The following LAMA2 variants were observed in gnomAD, a reference collection of about 807,000 sequenced individuals.
The protein encoded by LAMA2 is laminin subunit alpha-2.
A neutral mutation model predicts 364.8 loss-of-function variants in LAMA2; 269 were observed. The ratio of observed to expected loss-of-function variants is 0.74; its 90% confidence interval spans 0.67 to 0.82. LAMA2 has a LOEUF of 0.82. Among genes scored for constraint, LAMA2 ranks in the 40% least tolerant of loss-of-function variants. The probability of loss-of-function intolerance (pLI) is 0.00; values close to 1 mark genes in which losing one functional copy is unlikely to be tolerated. For missense variants in LAMA2, 3,807 were observed against 3,873.2 expected (o/e 0.98, Z 0.45); for synonymous variants, 1,379 against 1,370.6 (o/e 1.01, Z -0.14).
intron 10 of LAMA2, among the ~76,000 whole-genome samples, chr6:129,188,795 C>T (rs559973120): frequency 1.2e-4 from 19 of 152,014 alleles, no homozygotes; most frequent in African/African-American, 4.1e-4. Flanking sequence ...AAATTATTCT[C>T]TTGGATATAA....
chr6:129,497,201 T>C (rs531293538), intron 58 of LAMA2, among the ~76,000 whole-genome samples: 30 of 152,328 alleles, frequency 2.0e-4, no homozygotes, highest in African/African-American at 7.2e-4. Flanking sequence ...ATAAGTCCTC[T>C]ATAATTTTCA....
At chr6:128,899,364 T>C (rs575505882) in intron 1 of LAMA2, among the ~76,000 whole-genome samples, 6 of 152,370 alleles carry the variant, frequency 3.9e-5, no homozygotes, top group African/African-American at 1.4e-4. Context: ...GCAATTGCTA[T>C]GGCAGAGAAC....
chr6:129,283,924 A>G (rs1788913467), intron 18 of LAMA2, among the ~76,000 whole-genome samples: 1 of 152,016 alleles, frequency 6.6e-6, no homozygotes, highest in Non-Finnish European at 1.5e-5. Flanking sequence ...TTGTGACTCC[A>G]GTTGAGGTGT....
chr6:129,128,648 T>A (rs1313430313), intron 4 of LAMA2, among the ~76,000 whole-genome samples: 1 of 152,242 alleles, frequency 6.6e-6, no homozygotes, highest in East Asian at 1.9e-4. Context: ...TCTTTCCATT[T>A]ATTCATGCCT....
chr6:129,080,635 T>A (rs950365029), intron 3 of LAMA2, among the ~76,000 whole-genome samples: 2 of 151,986 alleles, frequency 1.3e-5, no homozygotes, highest in African/African-American at 4.8e-5. Flanking sequence ...AACAGACACA[T>A]GAAAAAATGC....
chr6:129,346,235 C>T (rs1776543922), intron 30 of LAMA2, among the ~76,000 whole-genome samples: 1 of 152,156 alleles, frequency 6.6e-6, no homozygotes, highest in Admixed American at 6.5e-5. Flanking sequence ...TTCCAGGCTC[C>T]AAGCCCTCAA....
intron 40 of LAMA2, among the ~76,000 whole-genome samples, chr6:129,424,404 T>G (rs1449074248): frequency 6.7e-6 from 1 of 150,368 alleles, no homozygotes; most frequent in Non-Finnish European, 1.5e-5. Flanking sequence ...ACTTCTTCCC[T>G]TCAAAAAAAA....
chr6:129,191,220 A>T (rs1781505918), intron 11 of LAMA2, among the ~76,000 whole-genome samples: 1 of 152,228 alleles, frequency 6.6e-6, no homozygotes, highest in South Asian at 2.1e-4. Flanking sequence ...GTTGTGTTTT[A>T]TAAAGACTAC....
chr6:129,373,279 G>A (rs1266420337), intron 34 of LAMA2, among the ~76,000 whole-genome samples: 1 of 151,930 alleles, frequency 6.6e-6, no homozygotes, highest in Non-Finnish European at 1.5e-5. Flanking sequence ...TTTACACTTA[G>A]GTCTATAATC....
intron 35 of LAMA2, 152 bp downstream of exon 35, chr6:129,383,385 G>A (rs1778804971): frequency 2.8e-6 from 2 of 717,536 alleles, no homozygotes; most frequent in Non-Finnish European, 2.5e-6. Flanking sequence ...ATATTCAAGG[G>A]TATTATCTGC....
intron 4 of LAMA2, among the ~76,000 whole-genome samples, chr6:129,133,862 A>T (rs934450091): frequency 6.6e-6 from 1 of 151,990 alleles, no homozygotes; most frequent in Non-Finnish European, 1.5e-5. Context: ...ACACAGAGAC[A>T]ATTCAACACA....
intron 3 of LAMA2, among the ~76,000 whole-genome samples, chr6:129,074,975 T>C (rs1161149027): frequency 6.6e-6 from 1 of 152,210 alleles, no homozygotes; most frequent in Non-Finnish European, 1.5e-5. Context: ...TACTGTTTTT[T>C]AAGCAGTGTT....
intron 44 of LAMA2, 64 bp downstream of exon 44, chr6:129,443,132 GT>G (rs1240930742): frequency 2.3e-6 from 3 of 1,277,088 alleles, no homozygotes; most frequent in Non-Finnish European, 3.3e-6. Flanking sequence ...ATTGCAAAAA[GT>G]TTCAGCTTTG....
chr6:129,126,931 G>T (rs1013116625), intron 4 of LAMA2, among the ~76,000 whole-genome samples: 10 of 152,168 alleles, frequency 6.6e-5, no homozygotes. Flanking sequence ...GCAAAGTGCG[G>T]TGGTGTGCAC....
intron 1 of LAMA2, among the ~76,000 whole-genome samples, chr6:128,901,389 T>C (rs931496243): frequency 6.6e-6 from 1 of 152,232 alleles, no homozygotes; most frequent in Admixed American, 6.5e-5. Context: ...TGGGATTCTG[T>C]TTCCATCCTT....
chr6:129,251,578 T>C (rs1280658079), intron 13 of LAMA2, among the ~76,000 whole-genome samples: 1 of 152,188 alleles, frequency 6.6e-6, no homozygotes, highest in African/African-American at 2.4e-5. Flanking sequence ...TTGCATTGCC[T>C]TCCCTTCATG....
chr6:129,213,762 C>T (rs1185079082), intron 12 of LAMA2, among the ~76,000 whole-genome samples: 3 of 151,904 alleles, frequency 2.0e-5, no homozygotes, highest in African/African-American at 7.3e-5. Flanking sequence ...TGTTTTGGAC[C>T]ATATCAGGTA....
intron 41 of LAMA2, among the ~76,000 whole-genome samples, chr6:129,434,766 T>C (rs972855979): frequency 6.6e-6 from 1 of 152,148 alleles, no homozygotes; most frequent in African/African-American, 2.4e-5. Context: ...CTCGCTATTA[T>C]TTTGTAAGTT....
intron 4 of LAMA2, among the ~76,000 whole-genome samples, chr6:129,136,472 A>C (rs992982538): frequency 1.3e-5 from 2 of 152,098 alleles, no homozygotes; most frequent in Admixed American, 6.6e-5. Context: ...TGGTAGAAAA[A>C]GAAAATGTTA....
Sources: gnomAD v4.1 joint callset for allele counts (sites outside exome capture counted in the v4.1 genomes callset) on GRCh38, gnomAD v4.1.1 for gene constraint, MANE v1.5 for transcripts, NCBI Gene and HGNC (gene_info 2026-07-23, HGNC 2026-07-21) for gene names.